The following P4HA3 variants were observed in gnomAD, a reference collection of about 807,000 sequenced individuals.
The protein encoded by P4HA3 is prolyl 4-hydroxylase subunit alpha 3, also known as prolyl 4-hydroxylase subunit alpha-3.
In P4HA3, 60 loss-of-function variants were observed where a neutral mutation model predicts 66.7. The observed-to-expected ratio is 0.90, with a 90% CI of 0.73 to 1.12. The LOEUF is 1.12. P4HA3 is among the 50% of genes most tolerant of loss of function. The probability of loss-of-function intolerance (pLI) is 0.00; values close to 1 mark genes in which losing one functional copy is unlikely to be tolerated. For missense variants in P4HA3, 683 were observed against 685.8 expected (o/e 1.00, Z 0.05); for synonymous variants, 263 against 274.6 (o/e 0.96, Z 0.42).
At chr11:74,251,922 T>C (rs1859682020) in intron 15 of P4HA3, 10 of 752,086 alleles carry the variant, frequency 1.3e-5, no homozygotes, top group Non-Finnish European at 2.4e-5. Context: ...CACGGGTTGA[T>C]GCTGAGGCTG....
At chr11:74,253,120 A>C (rs1198918580) in intron 15 of P4HA3, among the ~76,000 whole-genome samples, 4 of 152,072 alleles carry the variant, frequency 2.6e-5, no homozygotes, top group Non-Finnish European at 5.9e-5. Flanking sequence ...GGGAGATGAG[A>C]GTGACAGGGC....
At chr11:74,279,277 T>C in intron 8 of P4HA3, 111 bp downstream of exon 8, 1 of 964,706 alleles carries the variant, frequency 1.0e-6, no homozygotes, top group South Asian at 1.3e-5. Flanking sequence ...AAACGTGAAC[T>C]AGGGATTCTC....
At chr11:74,278,828 G>T (rs1860487677) in intron 8 of P4HA3, among the ~76,000 whole-genome samples, 1 of 152,010 alleles carries the variant, frequency 6.6e-6, no homozygotes, top group South Asian at 2.1e-4. Context: ...CTGAGGTCTG[G>T]CCTCCCCCCA....
chr11:74,253,045 T>G (rs1859744132), intron 15 of P4HA3, among the ~76,000 whole-genome samples: 1 of 152,180 alleles, frequency 6.6e-6, no homozygotes, highest in South Asian at 2.1e-4. Context: ...CTCAGAAAGT[T>G]TGCAGAAGAA....
intron 8 of P4HA3, among the ~76,000 whole-genome samples, 193 bp from the exon 9 acceptor site, chr11:74,277,337 C>G (rs534958718): frequency 6.6e-6 from 1 of 152,272 alleles, no homozygotes; most frequent in African/African-American, 2.4e-5. Context: ...TAAGTCTGCC[C>G]AGTCCACTTT....
intron 15 of P4HA3, chr11:74,253,426 C>T: frequency 1.3e-6 from 2 of 1,514,136 alleles, no homozygotes; most frequent in Non-Finnish European, 1.8e-6. Context: ...CTGGAGGATA[C>T]AGATAAGCAA....
At chr11:74,272,896 C>G (rs372008545) in intron 10 of P4HA3, among the ~76,000 whole-genome samples, 9 of 152,254 alleles carry the variant, frequency 5.9e-5, no homozygotes, top group African/African-American at 2.2e-4. Context: ...CCCACATGAT[C>G]TGAAGGGAAG....
chr11:74,251,112 CT>C, intron 15 of P4HA3: 1 of 1,531,764 alleles, frequency 6.5e-7, no homozygotes, highest in Non-Finnish European at 8.8e-7. Context: ...CCTGCATTGC[CT>C]GCAGCAGCTG....
chr11:74,301,364 CCTCA>C (rs1861401456), intron 3 of P4HA3, among the ~76,000 whole-genome samples: 1 of 152,086 alleles, frequency 6.6e-6, no homozygotes, highest in Non-Finnish European at 1.5e-5. Flanking sequence ...TTCAGAAAGG[CCTCA>C]CTAATATGTT....
At chr11:74,275,025 T>C (rs1339269444) in intron 9 of P4HA3, among the ~76,000 whole-genome samples, 2 of 152,214 alleles carry the variant, frequency 1.3e-5, no homozygotes, top group African/African-American at 2.4e-5. Context: ...TTAAAAAAAA[T>C]TGAATTATCT....
At chr11:74,290,014 G>C (rs375954644) in intron 4 of P4HA3, among the ~76,000 whole-genome samples, 1 of 152,008 alleles carries the variant, frequency 6.6e-6, no homozygotes, top group Admixed American at 6.6e-5. Flanking sequence ...TTGAGGAATC[G>C]CCACACTGTC....
intron 4 of P4HA3, among the ~76,000 whole-genome samples, chr11:74,295,588 T>G (rs887299286): frequency 6.6e-6 from 1 of 152,212 alleles, no homozygotes; most frequent in South Asian, 2.1e-4. Flanking sequence ...CTTTGGATAA[T>G]ATATAGTTTT....
chr11:74,266,776 G>C lies in P4HA3; in HGVS notation c.*472C>G. On this transcript the variant is annotated 3_prime_UTR_variant, in exon 13 of 13. Coordinates refer to ENST00000331597, the MANE Select transcript of P4HA3 (RefSeq NM_182904.5). ...TACCACTCATCTGGGATATGCTTCT[G>C]GGAGGGGGACACTCCCTGCTTGGGC... The C allele has an allele frequency of 2.3e-6, 1 of 435,724 alleles. No individual in the cohort carries two copies. Among genetic ancestry groups the C allele is most frequent in the Middle Eastern group, 5.9e-4 (1 of 1,684 alleles). 27.0% of individuals were successfully genotyped at this position (435,724 alleles called of 1,614,324 possible).
At position 74,284,716 on chromosome 11, in the gene P4HA3, C is replaced by T. The variant is rs1054246443; in HGVS notation, c.1110+1093G>A. On this transcript the variant is annotated intron_variant, in intron 7 of 12. Coordinates refer to ENST00000331597, the MANE Select transcript of P4HA3 (RefSeq NM_182904.5). ...TTGGCACACTTCCTTCCCCTAGAAG[C>T]ATCTCTCTGGGGCTGCTGATGCCTG... Among the ~76,000 whole-genome samples, 12 of 152,222 alleles carry T rather than the reference C, an allele frequency of 7.9e-5. 1 individual carries two copies. In the South Asian group the frequency reaches 1.2e-3, roughly 16 times the overall value.
At chr11:74,302,225 G>T in intron 3 of P4HA3, 144 bp downstream of exon 3, 1 of 821,708 alleles carries the variant, frequency 1.2e-6, no homozygotes. Context: ...TCTGAATCTT[G>T]TTTTCTTTCT....
chr11:74,291,894 G>T (rs1861040999), intron 4 of P4HA3, among the ~76,000 whole-genome samples: 1 of 151,998 alleles, frequency 6.6e-6, no homozygotes, highest in Non-Finnish European at 1.5e-5. Flanking sequence ...AAGGATATTG[G>T]TCTAAAATTC....
At chr11:74,263,569 TTC>T (rs1859943983), downstream of P4HA3, among the ~76,000 whole-genome samples, 1 of 152,228 alleles carries the variant, frequency 6.6e-6, no homozygotes, top group Non-Finnish European at 1.5e-5. Flanking sequence ...AAGTTATATG[TTC>T]TCTGACTCAG....
chr11:74,289,482 A>C (rs1591117297), intron 4 of P4HA3, among the ~76,000 whole-genome samples: 2 of 151,992 alleles, frequency 1.3e-5, no homozygotes, highest in Admixed American at 1.3e-4. Context: ...TTTAGGGTAC[A>C]TGTGCACAAC....
intron 4 of P4HA3, among the ~76,000 whole-genome samples, chr11:74,294,743 G>A (rs2134795300): frequency 6.6e-6 from 1 of 152,320 alleles, no homozygotes; most frequent in South Asian, 2.1e-4. Context: ...ATCAGCAGCA[G>A]TGGCTGCAGA....
Sources: allele counts gnomAD v4.1 joint callset (sites outside exome capture counted in the v4.1 genomes callset), GRCh38; gene constraint gnomAD v4.1.1; transcripts MANE v1.5; gene names NCBI Gene and HGNC (gene_info 2026-07-23, HGNC 2026-07-21).